HHAT: variants seen among roughly 807,000 people sequenced by gnomAD.
The protein encoded by HHAT is protein-cysteine N-palmitoyltransferase HHAT.
Under a neutral mutation model 70.8 loss-of-function variants are expected in HHAT, and 47 were observed. That is an observed-to-expected ratio of 0.66 (90% CI 0.53 to 0.85). HHAT has a LOEUF of 0.85. Among genes scored for constraint, HHAT ranks in the 40% least tolerant of loss-of-function variants. HHAT has a pLI of 0.00. For missense variants in HHAT, 609 were observed against 604.8 expected (o/e 1.01, Z -0.07); for synonymous variants, 228 against 247.6 (o/e 0.92, Z 0.74).
chr1:210,411,276 C>T (rs553798151), intron 6 of HHAT, among the ~76,000 whole-genome samples: 3 of 152,232 alleles, frequency 2.0e-5, no homozygotes, highest in Admixed American at 6.5e-5. Context: ...CTTGGAGGCC[C>T]GAGGTACTGT....
chr1:210,597,575 T>C (rs1438535894), intron 10 of HHAT, among the ~76,000 whole-genome samples: 3 of 152,052 alleles, frequency 2.0e-5, no homozygotes, highest in African/African-American at 7.2e-5. Flanking sequence ...TCCTTCTCCT[T>C]TCCACAAGCA....
At chr1:210,517,779 C>A (rs1237118749) in intron 9 of HHAT, among the ~76,000 whole-genome samples, 2 of 152,120 alleles carry the variant, frequency 1.3e-5, no homozygotes, top group African/African-American at 4.8e-5. Flanking sequence ...AAAAGTATTT[C>A]AAAACATGTT....
chr1:210,468,894 G>A (rs74776260), intron 8 of HHAT, among the ~76,000 whole-genome samples: 114 of 152,148 alleles, frequency 7.5e-4, no homozygotes, highest in African/African-American at 2.0e-3. Context: ...GTGACTAAGC[G>A]CTGGCTACCT....
chr1:210,374,339 CGCACAAAAAGAATTACTGCCTACAGTTT>C (rs2089997368), intron 3 of HHAT: 1 of 152,114 alleles, frequency 6.6e-6, no homozygotes, highest in Non-Finnish European at 1.5e-5. Flanking sequence ...GCCTACAGTT[CGCACAAAAAGAATTACTGCCTACAGTTT>C]GCACAAAAAG....
chr1:210,332,646 T>G (rs1321164274), intron 1 of HHAT, among the ~76,000 whole-genome samples: 1 of 152,244 alleles, frequency 6.6e-6, no homozygotes, highest in Non-Finnish European at 1.5e-5. Flanking sequence ...TTATGTTTTT[T>G]CTTTTGAAAA....
chr1:210,533,267 TC>T (rs1389863712), intron 9 of HHAT, among the ~76,000 whole-genome samples: 1 of 150,842 alleles, frequency 6.6e-6, no homozygotes, highest in Non-Finnish European at 1.5e-5. Context: ...TGTTGGTAGC[TC>T]TGCTGTTTTA....
intron 9 of HHAT, among the ~76,000 whole-genome samples, chr1:210,552,555 G>A (rs945157110): frequency 6.6e-6 from 1 of 152,218 alleles, no homozygotes; most frequent in Non-Finnish European, 1.5e-5. Context: ...CTGGGCAGTT[G>A]TGGCAGAGGC....
chr1:210,374,601 C>G (rs1478650433), intron 3 of HHAT, among the ~76,000 whole-genome samples: 1 of 152,054 alleles, frequency 6.6e-6, no homozygotes, highest in Admixed American at 6.5e-5. Flanking sequence ...CCTGGGTTAA[C>G]CATGGAAACT....
chr1:210,587,456 G>A (rs558246733), intron 9 of HHAT, among the ~76,000 whole-genome samples: 36 of 152,188 alleles, frequency 2.4e-4, no homozygotes, highest in Non-Finnish European at 4.7e-4. Flanking sequence ...CCCATGACAC[G>A]TGGGGATTAT....
At chr1:210,495,039 C>T (rs1333479490) in intron 8 of HHAT, among the ~76,000 whole-genome samples, 2 of 151,922 alleles carry the variant, frequency 1.3e-5, no homozygotes, top group East Asian at 1.9e-4. Context: ...GAGAAGAGGA[C>T]CAAGGACCAA....
intron 10 of HHAT, among the ~76,000 whole-genome samples, chr1:210,612,127 T>A (rs928029033): frequency 6.6e-6 from 1 of 152,184 alleles, no homozygotes; most frequent in African/African-American, 2.4e-5. Flanking sequence ...CTCTTCCATG[T>A]ATCTATTGGT....
intron 11 of HHAT, among the ~76,000 whole-genome samples, chr1:210,656,338 C>G (rs886491454): frequency 6.6e-6 from 1 of 152,186 alleles, no homozygotes; most frequent in Non-Finnish European, 1.5e-5. Flanking sequence ...GCACCTGGAG[C>G]CACTCAGCCT....
intron 7 of HHAT, among the ~76,000 whole-genome samples, chr1:210,428,846 C>T (rs114737689): frequency 0.017 from 2,556 of 151,464 alleles, 105 homozygotes; most frequent in South Asian, 0.058. Flanking sequence ...GGTGGTAGTG[C>T]GTGCCAGTAG....
intron 9 of HHAT, 70 bp from the exon 10 acceptor site, chr1:210,587,828 C>T: frequency 8.7e-7 from 1 of 1,143,858 alleles, no homozygotes; most frequent in Non-Finnish European, 1.3e-6. Flanking sequence ...ACAGGATAGT[C>T]AAGCTGGGGA....
At chr1:210,533,709 G>A (rs1388205375) in intron 9 of HHAT, among the ~76,000 whole-genome samples, 2 of 152,156 alleles carry the variant, frequency 1.3e-5, no homozygotes, top group Non-Finnish European at 1.5e-5. Context: ...CTTTAAATTG[G>A]GGATCTTTAA....
chr1:210,434,377 G>A (rs2148334662), intron 7 of HHAT, among the ~76,000 whole-genome samples: 1 of 151,986 alleles, frequency 6.6e-6, no homozygotes, highest in South Asian at 2.1e-4. Context: ...GCTTTCTGAA[G>A]GCCAGTGGGA....
At chr1:210,458,862 C>T (rs1488627636) in intron 7 of HHAT, among the ~76,000 whole-genome samples, 1 of 152,088 alleles carries the variant, frequency 6.6e-6, no homozygotes, top group Non-Finnish European at 1.5e-5. Flanking sequence ...AAAATTATGA[C>T]AAGGCAAGAT....
At chr1:210,385,320 A>G (rs1302063107) in intron 3 of HHAT, among the ~76,000 whole-genome samples, 1 of 133,476 alleles carries the variant, frequency 7.5e-6, no homozygotes, top group Non-Finnish European at 1.6e-5. Flanking sequence ...TTTTAGCTGT[A>G]TCCCTGTTAT....
intron 10 of HHAT, among the ~76,000 whole-genome samples, chr1:210,598,116 A>G (rs567593263): frequency 6.6e-6 from 1 of 151,620 alleles, no homozygotes; most frequent in Non-Finnish European, 1.5e-5. Flanking sequence ...GTGTCTAGAA[A>G]TGTCTGGGAG....
Sources: gnomAD v4.1 joint callset for allele counts (sites outside exome capture counted in the v4.1 genomes callset) on GRCh38, gnomAD v4.1.1 for gene constraint, MANE v1.5 for transcripts, NCBI Gene and HGNC (gene_info 2026-07-23, HGNC 2026-07-21) for gene names.